DCDC2C: variants seen among roughly 807,000 people sequenced by gnomAD.
DCDC2C encodes doublecortin domain-containing protein 2C.
Under a neutral mutation model 45.0 loss-of-function variants are expected in DCDC2C, and 44 were observed. The ratio of observed to expected loss-of-function variants is 0.98; its 90% confidence interval spans 0.77 to 1.26. DCDC2C has a LOEUF of 1.26. Ranked by LOEUF, DCDC2C falls within the 50% of genes most tolerant of loss-of-function variation. DCDC2C has a pLI of 0.00. For synonymous variants in DCDC2C, 187 were observed against 178.8 expected (o/e 1.05, Z -0.37); for missense variants, 447 against 468.9 (o/e 0.95, Z 0.43).
intron 10 of DCDC2C, among the ~76,000 whole-genome samples, chr2:3,792,362 C>T (rs1446198714): frequency 6.6e-6 from 1 of 152,182 alleles, no homozygotes; most frequent in African/African-American, 2.4e-5. Flanking sequence ...GCCCCTTGTC[C>T]TACTTCTGTT....
intron 8 of DCDC2C, among the ~76,000 whole-genome samples, chr2:3,773,326 A>T (rs6711964): frequency 0.48 from 72,479 of 151,502 alleles, 17,565 homozygotes; most frequent in East Asian, 0.67. Flanking sequence ...TTTTCAAAGA[A>T]TTTTTAATTT....
chr2:3,715,501 G>T (rs1022402831), intron 2 of DCDC2C, among the ~76,000 whole-genome samples: 2 of 152,096 alleles, frequency 1.3e-5, no homozygotes, highest in Non-Finnish European at 2.9e-5. Flanking sequence ...CTCAGTTAAT[G>T]GGTATGGCTG....
chr2:3,776,454 C>T (rs1047489007), intron 8 of DCDC2C, among the ~76,000 whole-genome samples: 2 of 152,216 alleles, frequency 1.3e-5, no homozygotes, highest in Admixed American at 6.5e-5. Flanking sequence ...CCCCAGTTCT[C>T]GTCACACGGG....
intron 3 of DCDC2C, among the ~76,000 whole-genome samples, chr2:3,728,462 CCTT>C (rs1253650306): frequency 6.6e-6 from 1 of 152,204 alleles, no homozygotes; most frequent in African/African-American, 2.4e-5. Context: ...GTTTGTGGGT[CCTT>C]CTTGACAAAA....
intron 10 of DCDC2C, among the ~76,000 whole-genome samples, chr2:3,790,346 A>T (rs1479654325): frequency 6.6e-6 from 1 of 152,236 alleles, no homozygotes; most frequent in African/African-American, 2.4e-5. Flanking sequence ...CATGCTTAAG[A>T]CATGCTAAGC....
intron 10 of DCDC2C, among the ~76,000 whole-genome samples, chr2:3,840,811 G>T (rs892585910): frequency 1.3e-5 from 2 of 152,294 alleles, no homozygotes; most frequent in Admixed American, 6.5e-5. Flanking sequence ...GGTGCGGGTG[G>T]CCGCTCTGCG....
intron 2 of DCDC2C, 69 bp from the exon 3 acceptor site, chr2:3,726,932 GCA>G: frequency 7.4e-7 from 1 of 1,359,092 alleles, no homozygotes; most frequent in Non-Finnish European, 1.0e-6. Context: ...GCAGTGCTGT[GCA>G]CACTGTTGAG....
intron 1 of DCDC2C, chr2:3,704,283 C>A (rs1220771107): frequency 1.3e-5 from 5 of 370,634 alleles, no homozygotes; most frequent in African/African-American, 2.1e-5. Flanking sequence ...GGGCCCTGGC[C>A]GGCAGCGATT....
chr2:3,751,711 C>T lies in DCDC2C; in HGVS notation c.546-1052C>T, dbSNP rs537493471. Among the ~76,000 whole-genome samples the T allele has an allele frequency of 2.6e-5, 4 of 152,320 alleles. No homozygotes were observed. In the South Asian group the frequency reaches 8.3e-4, roughly 32 times the overall value. ...CCTGCATTTCTTCTCTTCTTCTGCT[C>T]CTGCACTTCCTGCCCTAATTCATTC... is the stretch of plus-strand genomic sequence containing the variant. On this transcript the variant is annotated intron_variant, in intron 4 of 10. Coordinates refer to ENST00000399143, the MANE Select transcript of DCDC2C (RefSeq NM_001287444.2).
intron 8 of DCDC2C, among the ~76,000 whole-genome samples, chr2:3,770,780 C>A (rs539401489): frequency 1.4e-4 from 21 of 152,314 alleles, no homozygotes; most frequent in African/African-American, 4.6e-4. Context: ...CATAACTTTG[C>A]GTATAATAAG....
At chr2:3,762,425 A>G (rs1266373539) in intron 6 of DCDC2C, among the ~76,000 whole-genome samples, 1 of 152,158 alleles carries the variant, frequency 6.6e-6, no homozygotes, top group Non-Finnish European at 1.5e-5. Context: ...ATAGGAGACT[A>G]GGGAATTTAT....
At chr2:3,733,290 C>A (rs1408584462) in intron 3 of DCDC2C, among the ~76,000 whole-genome samples, 1 of 152,240 alleles carries the variant, frequency 6.6e-6, no homozygotes, top group African/African-American at 2.4e-5. Flanking sequence ...AAGTGAGGGA[C>A]AGCTGCTTGG....
At chr2:3,827,680 A>G (rs1671859006) in intron 10 of DCDC2C, among the ~76,000 whole-genome samples, 2 of 152,216 alleles carry the variant, frequency 1.3e-5, no homozygotes, top group African/African-American at 4.8e-5. Flanking sequence ...CTTAAGAGAA[A>G]AGACATCATT....
At chr2:3,724,255 G>A (rs376038216) in intron 2 of DCDC2C, among the ~76,000 whole-genome samples, 7 of 152,160 alleles carry the variant, frequency 4.6e-5, no homozygotes, top group African/African-American at 9.7e-5. Context: ...GGGTCTTCCC[G>A]TCTGCCAGGC....
chr2:3,752,192 G>C (rs1221665249), intron 4 of DCDC2C, among the ~76,000 whole-genome samples: 1 of 152,160 alleles, frequency 6.6e-6, no homozygotes, highest in African/African-American at 2.4e-5. Context: ...ACTTTGGGGA[G>C]GCAGAGACTT....
At chr2:3,766,621 A>G (rs1008540776) in intron 6 of DCDC2C, among the ~76,000 whole-genome samples, 4 of 152,212 alleles carry the variant, frequency 2.6e-5, no homozygotes, top group Non-Finnish European at 5.9e-5. Context: ...TTCCACAAAG[A>G]TTGAAAACCT....
chr2:3,788,457 G>A (rs2148186377), intron 10 of DCDC2C: 1 of 152,210 alleles, frequency 6.6e-6, no homozygotes, highest in African/African-American at 2.4e-5. Flanking sequence ...CAGCACGACA[G>A]GATGCCGTAG....
At chr2:3,721,639 G>A (rs919799645) in intron 2 of DCDC2C, among the ~76,000 whole-genome samples, 3 of 152,086 alleles carry the variant, frequency 2.0e-5, no homozygotes, top group Non-Finnish European at 4.4e-5. Context: ...TAACTTCTAC[G>A]GTTCCCATGT....
rs76462902 is a variant in DCDC2C at position 3,737,268 on chromosome 2, G to C, written c.417-4652G>C. On this transcript the variant is annotated intron_variant, in intron 3 of 10. Transcript: ENST00000399143. ...CATGGCTTCTGAGTTCAAATGTGGA[G>C]AACTTTTCAGTTCAACTCAGCTTGG... Among the ~76,000 whole-genome samples the C allele has an allele frequency of 2.3e-3, 354 of 152,320 alleles. 14 individuals are homozygous for C. The East Asian group carries it at 0.058, about 25-fold the overall frequency.
Sources: allele counts gnomAD v4.1 joint callset (sites outside exome capture counted in the v4.1 genomes callset), GRCh38; gene constraint gnomAD v4.1.1; transcripts MANE v1.5; gene names NCBI Gene and HGNC (gene_info 2026-07-23, HGNC 2026-07-21).